The following RETREG3 variants were observed in gnomAD, a reference collection of about 807,000 sequenced individuals.
RETREG3 encodes the protein reticulophagy regulator 3.
RETREG3 carries 23 observed loss-of-function variants against 50.2 expected under a neutral mutation model. The observed-to-expected ratio is 0.46, with a 90% CI of 0.33 to 0.65. RETREG3 has a LOEUF of 0.65. Ranked by LOEUF, RETREG3 falls within the 30% of genes least tolerant of loss-of-function variation. RETREG3 has a pLI of 0.02. For missense variants in RETREG3, 546 were observed against 598.0 expected (o/e 0.91, Z 0.91); for synonymous variants, 240 against 234.4 (o/e 1.02, Z -0.22).
rs185133035 is a variant in RETREG3, at chr17:42,602,046, G to A, written c.239+7040C>T. 4.9e-3 allele frequency among the ~76,000 whole-genome samples: 739 copies of A among 152,228 alleles called. 4 individuals are homozygous for A. Among genetic ancestry groups the A allele is most frequent in the South Asian group, 8.3e-3 (40 of 4,810 alleles). ...CAAATAGCTTTATTGGTCGGGCACC[G>A]TAGCTCACACCTGTAATCCCAGCCT... On this transcript the variant is annotated intron_variant, in intron 1 of 8. Transcript: ENST00000309428.
In RETREG3 at chr17:42,581,612, C is replaced by CT. The variant is rs2093108774; in HGVS notation, c.*200dup. 3.6e-6 allele frequency: 2 copies of CT among 550,250 alleles called. No homozygotes were observed. The highest frequency in any genetic ancestry group is 6.9e-5 in the Admixed American group (2 of 28,902). 34.1% of individuals were successfully genotyped at this position (550,250 alleles called of 1,614,324 possible). ...GGGGAGCACACTCTCACTTCAGTGA[C>CT]TGAGCTCAGAAATGGGCATCCAGCT... On this transcript the variant is annotated 3_prime_UTR_variant, in exon 9 of 9. Coordinates refer to ENST00000309428, the MANE Select transcript of RETREG3 (RefSeq NM_178126.4).
intron 6 of RETREG3, among the ~76,000 whole-genome samples, chr17:42,584,830 A>C (rs951257872): frequency 2.0e-5 from 3 of 151,898 alleles, no homozygotes; most frequent in Non-Finnish European, 4.4e-5. Flanking sequence ...AAAAAAAAAA[A>C]AAAAAAACAA....
chr17:42,585,951 A>G (rs1283406369), intron 5 of RETREG3, 102 bp downstream of exon 5: 2 of 1,058,536 alleles, frequency 1.9e-6, no homozygotes, highest in Non-Finnish European at 1.4e-6. Flanking sequence ...CATATCCTAG[A>G]GAATTGAAAT....
At chr17:42,605,268 T>C (rs1481411782) in intron 1 of RETREG3, 1 of 152,186 alleles carries the variant, frequency 6.6e-6, no homozygotes, top group East Asian at 1.9e-4. Flanking sequence ...ATGGGTTTTT[T>C]TTTGTACTCC....
chr17:42,597,611 ATATATATATTTT>A (rs1445585696), intron 1 of RETREG3, among the ~76,000 whole-genome samples: 6 of 34,416 alleles, frequency 1.7e-4, no homozygotes, highest in East Asian at 7.6e-4. Context: ...ATATATATAT[ATATATATATTTT>A]TTTTTTTTTT....
At chr17:42,604,160 A>T (rs897267857) in intron 1 of RETREG3, among the ~76,000 whole-genome samples, 1 of 151,564 alleles carries the variant, frequency 6.6e-6, no homozygotes, top group African/African-American at 2.4e-5. Context: ...TTATTTATTT[A>T]TTTTTTTGGG....
intron 2 of RETREG3, among the ~76,000 whole-genome samples, chr17:42,591,398 T>C (rs2093132895): frequency 6.6e-6 from 1 of 151,810 alleles, no homozygotes; most frequent in Non-Finnish European, 1.5e-5. Context: ...TGGAGTGCAG[T>C]GGCACGATCT....
intron 1 of RETREG3, among the ~76,000 whole-genome samples, chr17:42,594,446 C>T (rs552690839): frequency 2.2e-4 from 33 of 152,068 alleles, no homozygotes; most frequent in African/African-American, 7.2e-4. Flanking sequence ...CCCAGCTACT[C>T]GGGAGGGTGA....
chr17:42,597,565 T>C (rs867975132), intron 1 of RETREG3, among the ~76,000 whole-genome samples: 86 of 115,600 alleles, frequency 7.4e-4, no homozygotes, highest in Middle Eastern at 7.6e-3. Context: ...TTTTTGTGTA[T>C]ATATATATTT....
chr17:42,609,357 G>C lies in RETREG3; in HGVS notation c.-33C>G, dbSNP rs773858505. On this transcript the variant is annotated 5_prime_UTR_variant, in exon 1 of 9. Coordinates refer to ENST00000309428, the MANE Select transcript of RETREG3 (RefSeq NM_178126.4). The stretch of plus-strand genomic sequence containing the variant: ...CGGCAGCCACAACATCCGGGGCCGT[G>C]GCCCGACAAGTCACAATAACAGCAA... 5 of 1,576,660 alleles carry C rather than the reference G, an allele frequency of 3.2e-6. No homozygotes were observed. The African/African-American group carries it at 6.7e-5, about 21-fold the overall frequency.
rs147570272 is a variant in RETREG3, at chr17:42,585,239, G to C, written c.613C>G (p.Leu205Val). The change falls in exon 6 of 9, where the codon CTT (leucine) becomes GTT (valine). Residue 205 changes from leucine to valine, a missense_variant. Transcript: ENST00000309428. The stretch of plus-strand genomic sequence containing the variant: ...TCCCACAGTCGGTGGTACACAGCAA[G>C]GGGCCACATCATGACAGTGACAACT... The part of the protein sequence containing the change: ...LMLVTVMMWP[L>V]AVYHRLWDRA... 1 of 1,613,990 alleles carries C rather than the reference G, an allele frequency of 6.2e-7. No individual in the cohort carries two copies. The highest frequency in any genetic ancestry group is 8.5e-7 in the Non-Finnish European group (1 of 1,180,024).
intron 1 of RETREG3, among the ~76,000 whole-genome samples, chr17:42,592,856 G>A (rs905591232): frequency 2.6e-5 from 4 of 152,092 alleles, no homozygotes; most frequent in Non-Finnish European, 4.4e-5. Context: ...GGAGGCTGAG[G>A]CATGCCTGTA....
intron 1 of RETREG3, among the ~76,000 whole-genome samples, chr17:42,606,899 A>C (rs1407480430): frequency 6.6e-6 from 1 of 152,168 alleles, no homozygotes; most frequent in East Asian, 1.9e-4. Flanking sequence ...CGGGAGGCTG[A>C]GGCAGGAGAA....
chr17:42,601,300 C>A (rs965856515), intron 1 of RETREG3, among the ~76,000 whole-genome samples: 1 of 148,396 alleles, frequency 6.7e-6, no homozygotes, highest in African/African-American at 2.5e-5. Flanking sequence ...TAAACTAAGA[C>A]GGTGGCTCAA....
At chr17:42,595,465 C>A (rs1184359312) in intron 1 of RETREG3, among the ~76,000 whole-genome samples, 1 of 150,630 alleles carries the variant, frequency 6.6e-6, no homozygotes, top group African/African-American at 2.4e-5. Context: ...GGCACGATCT[C>A]AGTTCACTGC....
At chr17:42,582,610 G>A in intron 8 of RETREG3, 64 bp downstream of exon 8, 1 of 1,604,188 alleles carries the variant, frequency 6.2e-7, no homozygotes, top group Non-Finnish European at 8.5e-7. Flanking sequence ...TATCCCCTCT[G>A]TTCAGGGAAG....
At chr17:42,596,013 T>G (rs1427545325) in intron 1 of RETREG3, among the ~76,000 whole-genome samples, 1 of 151,888 alleles carries the variant, frequency 6.6e-6, no homozygotes, top group African/African-American at 2.4e-5. Context: ...ATTTCCAGAG[T>G]TGACTATATT....
chr17:42,588,419 T>A (rs937111907), intron 2 of RETREG3, among the ~76,000 whole-genome samples: 1 of 151,944 alleles, frequency 6.6e-6, no homozygotes, highest in Admixed American at 6.6e-5. Flanking sequence ...CTAATTTTTT[T>A]TTTTTTTGGA....
intron 7 of RETREG3, 88 bp from the exon 8 acceptor site, chr17:42,582,894 G>C: frequency 6.5e-7 from 1 of 1,531,844 alleles, no homozygotes; most frequent in Non-Finnish European, 8.9e-7. Flanking sequence ...GCTAGCATTA[G>C]TTATCCGAAG....
Sources: allele counts gnomAD v4.1 joint callset (sites outside exome capture counted in the v4.1 genomes callset), GRCh38; gene constraint gnomAD v4.1.1; transcripts MANE v1.5; gene names NCBI Gene and HGNC (gene_info 2026-07-23, HGNC 2026-07-21).